SUSD4: variants seen among roughly 807,000 people sequenced by gnomAD.
The protein encoded by SUSD4 is sushi domain containing 4.
SUSD4 carries 41 observed loss-of-function variants against 50.5 expected under a neutral mutation model. The observed-to-expected ratio is 0.81, with a 90% CI of 0.63 to 1.05. The LOEUF (loss-of-function observed/expected upper bound fraction) is 1.05, where lower values mean the gene tolerates loss of function less well. SUSD4 is among the 50% of genes least tolerant of loss of function. The pLI is 0.00. For missense variants in SUSD4, 580 were observed against 634.7 expected, an observed-to-expected ratio of 0.91 and a Z score of 0.93; for synonymous variants, 257 against 257.3, an observed-to-expected ratio of 1.00 and a Z score of 0.01.
chr1:223,265,002 G>A (rs549488927), intron 4 of SUSD4, among the ~76,000 whole-genome samples, 184 bp from the exon 5 acceptor site: 1 of 152,364 alleles, frequency 6.6e-6, no homozygotes, highest in South Asian at 2.1e-4. Context: ...TATCATGTAG[G>A]TATTTGCTCC....
chr1:223,264,794 G>C lies in SUSD4; in HGVS notation c.560C>G (p.Ser187Cys). 3 of 1,614,160 alleles carry C rather than the reference G, an allele frequency of 1.9e-6. No individual in the cohort carries two copies. Among genetic ancestry groups the C allele is most frequent in the South Asian group, 1.1e-5 (1 of 91,066 alleles). ...CTCAGAGATGTTTACATAGCCATTA[G>C]AAGAGGCTAGAGGTCTCAGGCAGCC... Reference protein sequence around the residue: ...CQGCLRPLASSNGYVNISELQ... With the variant: ...CQGCLRPLASCNGYVNISELQ... The change falls in exon 5 of 9, where the codon TCT becomes TGT. Residue 187 changes from serine to cysteine, a missense_variant. Transcript: ENST00000366878.
chr1:223,259,453 G>A lies in SUSD4; in HGVS notation c.724+5177C>T, dbSNP rs572369480. On this transcript the variant is annotated intron_variant, in intron 5 of 8. Transcript: ENST00000366878. Reference sequence around the variant, plus strand: ...CAAATTCCAAGTTTTTGCTTCCATCGTCTGTTCTTCTGACCCTTGCAACCT... The same window carrying A: ...CAAATTCCAAGTTTTTGCTTCCATCATCTGTTCTTCTGACCCTTGCAACCT... 7.8e-4 allele frequency among the ~76,000 whole-genome samples: 118 copies of A among 152,248 alleles called. 1 individual carries two copies. The highest frequency in any genetic ancestry group is 6.2e-4 in the South Asian group (3 of 4,814).
chr1:223,288,499 T>C (rs1664286246), intron 3 of SUSD4, among the ~76,000 whole-genome samples: 1 of 152,194 alleles, frequency 6.6e-6, no homozygotes, highest in Admixed American at 6.5e-5. Context: ...TTGGGTGCTG[T>C]ACAACATTAT....
intron 5 of SUSD4, among the ~76,000 whole-genome samples, chr1:223,262,794 T>TA (rs1464286057): frequency 3.9e-5 from 6 of 151,944 alleles, no homozygotes; most frequent in Non-Finnish European, 7.4e-5. Context: ...TAAACCTTAT[T>TA]AAAAAAACAA....
At chr1:223,340,277 G>C (rs1667682111) in intron 2 of SUSD4, among the ~76,000 whole-genome samples, 1 of 152,216 alleles carries the variant, frequency 6.6e-6, no homozygotes, top group Non-Finnish European at 1.5e-5. Flanking sequence ...TTGTGAAATT[G>C]GTCCCATCTC....
intron 3 of SUSD4, among the ~76,000 whole-genome samples, chr1:223,274,879 C>A (rs1309545177): frequency 6.6e-6 from 1 of 151,800 alleles, no homozygotes; most frequent in East Asian, 1.9e-4. Context: ...TTTTTTCTGG[C>A]CACAATGAAA....
At chr1:223,258,739 T>G (rs769827876) in intron 5 of SUSD4, among the ~76,000 whole-genome samples, 1 of 152,152 alleles carries the variant, frequency 6.6e-6, no homozygotes, top group Non-Finnish European at 1.5e-5. Flanking sequence ...CCTACAGTGA[T>G]GTATTCCCCT....
chr1:223,246,744 T>C (rs1660961520), intron 5 of SUSD4, among the ~76,000 whole-genome samples: 1 of 152,040 alleles, frequency 6.6e-6, no homozygotes, highest in African/African-American at 2.4e-5. Context: ...GAATGAAGTG[T>C]GAGGCAAGGC....
chr1:223,331,814 C>T (rs1191498110), intron 2 of SUSD4, among the ~76,000 whole-genome samples: 1 of 152,194 alleles, frequency 6.6e-6, no homozygotes, highest in Admixed American at 6.5e-5. Context: ...CTCAGAGATG[C>T]TAAGGAAGAC....
chr1:223,227,641 G>GA lies in SUSD4; in HGVS notation c.1013dup (p.Leu339ProfsTer25), dbSNP rs768164236. 1 of 1,613,928 alleles carries GA rather than the reference G, an allele frequency of 6.2e-7. No individual in the cohort carries two copies. The highest frequency in any genetic ancestry group is 8.5e-7 in the Non-Finnish European group (1 of 1,179,962). On this transcript the variant is annotated frameshift_variant, in exon 7 of 9. Transcript: ENST00000366878. LOFTEE classifies it high-confidence loss of function. This position sits in a 1 kb window ranked among gnomAD's most constrained non-coding sequence, Gnocchi z 4.5. Reference sequence around the variant, plus strand: ...ACTTGGTCTGGAACATCCTGGCCAGGATGACGAGCAGCAGCACCAGCAGCA... The same window carrying GA: ...ACTTGGTCTGGAACATCCTGGCCAGGAATGACGAGCAGCAGCACCAGCAGCA...
At position 223,264,647 on chromosome 1, in the gene SUSD4, C is replaced by A; in HGVS notation, c.707G>T (p.Arg236Leu). 1.2e-6 allele frequency: 2 copies of A among 1,613,892 alleles called. No individual in the cohort carries two copies. Among genetic ancestry groups the A allele is most frequent in the Non-Finnish European group, 8.5e-7 (1 of 1,179,904 alleles). ...QNLIWSSSPP[R>L]CLALEVCPLP... Reference sequence around the variant, plus strand: ...TGTGTTACCTTCCAGAGCAAGGCACCGGGGTGGGCTGGACGACCAGATAAG... The same window carrying A: ...TGTGTTACCTTCCAGAGCAAGGCACAGGGGTGGGCTGGACGACCAGATAAG... The change falls in exon 5 of 9, where the codon CGG (arginine) becomes CTG (leucine). Residue 236 changes from arginine to leucine, a missense_variant. Physicochemically the swap from Arg to Leu is moderately radical, Grantham distance 102 (BLOSUM62 -2). Coordinates refer to ENST00000366878, the MANE Select transcript of SUSD4 (RefSeq NM_017982.4).
intron 2 of SUSD4, among the ~76,000 whole-genome samples, chr1:223,362,051 T>C (rs561090374): frequency 1.3e-5 from 2 of 151,822 alleles, no homozygotes; most frequent in African/African-American, 4.8e-5. Context: ...AAAAAAAAAA[T>C]ACAAAAATAA....
At chr1:223,251,844 G>T (rs1030466221) in intron 5 of SUSD4, among the ~76,000 whole-genome samples, 3 of 152,070 alleles carry the variant, frequency 2.0e-5, no homozygotes, top group Admixed American at 1.3e-4. Context: ...TTCCACAATG[G>T]TTGAACTAGT....
At chr1:223,248,483 T>A (rs1258167890) in intron 5 of SUSD4, among the ~76,000 whole-genome samples, 1 of 152,240 alleles carries the variant, frequency 6.6e-6, no homozygotes, top group Non-Finnish European at 1.5e-5. Context: ...GAACCCTCTG[T>A]ACCAAAGTCC....
At chr1:223,317,208 G>A (rs1004358942) in intron 2 of SUSD4, among the ~76,000 whole-genome samples, 4 of 152,276 alleles carry the variant, frequency 2.6e-5, no homozygotes, top group African/African-American at 9.6e-5. Flanking sequence ...CCAAAACCAA[G>A]ATGACGACAA....
intron 5 of SUSD4, among the ~76,000 whole-genome samples, chr1:223,252,356 A>G (rs917650252): frequency 6.6e-6 from 1 of 151,828 alleles, no homozygotes; most frequent in African/African-American, 2.4e-5. Context: ...GCTGGAATGA[A>G]GCGGCGACAA....
chr1:223,276,226 C>T (rs1214424803), intron 3 of SUSD4, among the ~76,000 whole-genome samples: 2 of 152,230 alleles, frequency 1.3e-5, no homozygotes, highest in Admixed American at 1.3e-4. Flanking sequence ...GGGTTGCTAA[C>T]AGTCACTGTG....
intron 2 of SUSD4, among the ~76,000 whole-genome samples, chr1:223,294,140 A>T (rs117656056): frequency 6.6e-6 from 1 of 152,278 alleles, no homozygotes; most frequent in East Asian, 1.9e-4. Context: ...CAATAGACAA[A>T]TCCTTACTGA....
chr1:223,283,963 C>A (rs910798500), intron 3 of SUSD4, among the ~76,000 whole-genome samples: 1 of 152,200 alleles, frequency 6.6e-6, no homozygotes, highest in African/African-American at 2.4e-5. Flanking sequence ...CCATCATTCT[C>A]AGCAAACTAT....
Sources: allele counts gnomAD v4.1 joint callset (sites outside exome capture counted in the v4.1 genomes callset), GRCh38; gene constraint gnomAD v4.1.1; non-coding constraint Gnocchi (gnomAD v3.1); transcripts MANE v1.5; gene names NCBI Gene and HGNC (gene_info 2026-07-23, HGNC 2026-07-21).